AIG1: variants seen among roughly 807,000 people sequenced by gnomAD.
AIG1 encodes the protein androgen induced 1.
Under a neutral mutation model 31.4 loss-of-function variants are expected in AIG1, and 23 were observed. That is an observed-to-expected ratio of 0.73 (90% CI 0.53 to 1.04). AIG1 has a LOEUF of 1.04. Ranked by LOEUF, AIG1 falls within the 50% of genes least tolerant of loss-of-function variation. AIG1 has a pLI of 0.00. For synonymous variants in AIG1, 100 were observed against 110.5 expected, an observed-to-expected ratio of 0.90 and a Z score of 0.60; for missense variants, 274 against 295.0, an observed-to-expected ratio of 0.93 and a Z score of 0.52.
At chr6:143,065,886 A>G (rs562470743) in intron 1 of AIG1, among the ~76,000 whole-genome samples, 25 of 152,376 alleles carry the variant, frequency 1.6e-4, no homozygotes, top group Non-Finnish European at 2.8e-4. Flanking sequence ...ATTTTTAAAG[A>G]TTGAAACATA....
intron 2 of AIG1, among the ~76,000 whole-genome samples, chr6:143,162,589 C>G (rs1786491788): frequency 6.6e-6 from 1 of 152,222 alleles, no homozygotes; most frequent in African/African-American, 2.4e-5. Context: ...GGTTGTCACT[C>G]TCTTGATTAG....
At chr6:143,087,713 A>T (rs1259156923) in intron 1 of AIG1, among the ~76,000 whole-genome samples, 2 of 152,256 alleles carry the variant, frequency 1.3e-5, no homozygotes, top group Admixed American at 1.3e-4. Context: ...GGTTGCCCTT[A>T]GGATAAATTC....
intron 3 of AIG1, among the ~76,000 whole-genome samples, chr6:143,272,036 A>G (rs566959355): frequency 1.3e-5 from 2 of 152,328 alleles, no homozygotes; most frequent in South Asian, 2.1e-4. Context: ...CTTCCAATGC[A>G]TCAGGGTCAC....
At chr6:143,073,129 A>G (rs1777443187) in intron 1 of AIG1, among the ~76,000 whole-genome samples, 1 of 152,114 alleles carries the variant, frequency 6.6e-6, no homozygotes, top group African/African-American at 2.4e-5. Context: ...AGACCATGCA[A>G]TATTTTTCTT....
intron 3 of AIG1, among the ~76,000 whole-genome samples, chr6:143,223,600 A>T (rs994966965): frequency 1.3e-5 from 2 of 152,142 alleles, no homozygotes; most frequent in African/African-American, 2.4e-5. Flanking sequence ...TTACGGCAAC[A>T]GGGTCTGAAT....
chr6:143,181,871 A>AG (rs1788753697), intron 3 of AIG1, among the ~76,000 whole-genome samples: 1 of 152,154 alleles, frequency 6.6e-6, no homozygotes, highest in Non-Finnish European at 1.5e-5. Context: ...AAGTTGGAAA[A>AG]GGGGGAGACC....
At chr6:143,225,995 C>CA (rs1162440777) in intron 3 of AIG1, among the ~76,000 whole-genome samples, 3 of 151,696 alleles carry the variant, frequency 2.0e-5, no homozygotes, top group Admixed American at 6.6e-5. Flanking sequence ...ATTTAAAAAA[C>CA]AAAAAAAATT....
intron 3 of AIG1, among the ~76,000 whole-genome samples, chr6:143,170,440 C>CG (rs1787389235): frequency 6.6e-6 from 1 of 151,886 alleles, no homozygotes; most frequent in African/African-American, 2.4e-5. Flanking sequence ...TGCTGTACCC[C>CG]GGAGCTGTAC....
intron 4 of AIG1, among the ~76,000 whole-genome samples, chr6:143,308,792 T>G (rs1026667221): frequency 2.0e-5 from 3 of 152,186 alleles, no homozygotes; most frequent in Non-Finnish European, 4.4e-5. Context: ...TATGAATGAG[T>G]ACGCCTTTAG....
At chr6:143,157,437 C>CTTTT (rs1179158846) in intron 2 of AIG1, among the ~76,000 whole-genome samples, 11 of 132,684 alleles carry the variant, frequency 8.3e-5, no homozygotes, top group Non-Finnish European at 1.3e-4. Context: ...TTCCTCTCTT[C>CTTTT]TTTTTTTTTT....
intron 4 of AIG1, among the ~76,000 whole-genome samples, chr6:143,318,776 C>G (rs181940633): frequency 6.6e-6 from 1 of 150,434 alleles, no homozygotes; most frequent in Non-Finnish European, 1.5e-5. Context: ...TCAAAGAAAT[C>G]AGCAAGGAAA....
chr6:143,314,108 G>A (rs1393097402), intron 4 of AIG1, among the ~76,000 whole-genome samples: 1 of 142,716 alleles, frequency 7.0e-6, no homozygotes, highest in Non-Finnish European at 1.5e-5. Flanking sequence ...TTGCACTTTA[G>A]AAGGCCAGAA....
chr6:143,231,838 C>G (rs1365133118), intron 3 of AIG1, among the ~76,000 whole-genome samples: 1 of 152,134 alleles, frequency 6.6e-6, no homozygotes, highest in Non-Finnish European at 1.5e-5. Context: ...GTTGTAGCTA[C>G]TGTGTTTGAT....
intron 3 of AIG1, among the ~76,000 whole-genome samples, chr6:143,260,041 T>G (rs1795642562): frequency 7.5e-6 from 1 of 132,496 alleles, no homozygotes; most frequent in East Asian, 3.2e-4. Context: ...TTTTTTTTTT[T>G]GAGACGGAGT....
rs906760234 is a variant in AIG1, at chr6:143,297,009, T to C, written c.515+12784T>C. Among the ~76,000 whole-genome samples the C allele has an allele frequency of 2.6e-5, 4 of 152,192 alleles. No individual in the cohort carries two copies. The highest frequency in any genetic ancestry group is 9.7e-5 in the African/African-American group (4 of 41,442). On this transcript the variant is annotated intron_variant, in intron 4 of 5. Transcript: ENST00000357847. The surrounding 1 kb of genome is among the most constrained non-coding windows in gnomAD (Gnocchi z 5.1). ...GGTAGACTATGGAAGAAGCTTCAGC[T>C]CTGTCCTCAAGGAGCTTACAGTCTA...
chr6:143,307,114 C>T lies in AIG1; in HGVS notation c.515+22889C>T, dbSNP rs555512017. On this transcript the variant is annotated intron_variant, in intron 4 of 5. Coordinates refer to ENST00000357847, the MANE Select transcript of AIG1 (RefSeq NM_016108.4). ...GTTATACATTCGTCTAAATTTTTTT[C>T]AAAGTTTTCAACTTCTTTGCCTTTG... Among the ~76,000 whole-genome samples the T allele has an allele frequency of 1.9e-4, 29 of 152,212 alleles. No homozygotes were observed. In the South Asian group the frequency reaches 5.8e-3, roughly 30 times the overall value.
intron 5 of AIG1, among the ~76,000 whole-genome samples, chr6:143,337,627 AG>A (rs1260899211): frequency 6.6e-6 from 1 of 152,196 alleles, no homozygotes; most frequent in Non-Finnish European, 1.5e-5. Context: ...CAAAACCAAA[AG>A]GTTGGTGTGA....
chr6:143,072,576 GA>G (rs1271587800), intron 1 of AIG1, among the ~76,000 whole-genome samples: 1 of 151,562 alleles, frequency 6.6e-6, no homozygotes, highest in Non-Finnish European at 1.5e-5. Context: ...GTTAGATATA[GA>G]TTTTTTTTTT....
chr6:143,077,142 C>G (rs999984975), intron 1 of AIG1, among the ~76,000 whole-genome samples: 2 of 152,080 alleles, frequency 1.3e-5, no homozygotes, highest in African/African-American at 4.8e-5. Flanking sequence ...TCACTTTACC[C>G]TCCTTGATTT....
Sources: gnomAD v4.1 joint callset for allele counts (sites outside exome capture counted in the v4.1 genomes callset) on GRCh38, gnomAD v4.1.1 for gene constraint, Gnocchi (gnomAD v3.1) non-coding constraint, MANE v1.5 for transcripts, NCBI Gene and HGNC (gene_info 2026-07-23, HGNC 2026-07-21) for gene names.